Variants in BBX observed in about 807,000 individuals in gnomAD.
BBX encodes the protein BBX high mobility group box domain containing, also known as HMG box transcription factor BBX.
Under a neutral mutation model 100.2 loss-of-function variants are expected in BBX, and 30 were observed. The observed-to-expected ratio is 0.30, with a 90% CI of 0.22 to 0.41. BBX has a LOEUF of 0.41. Among genes scored for constraint, BBX ranks in the 10% least tolerant of loss-of-function variants. BBX has a pLI of 1.00. For missense variants in BBX, 1,023 were observed against 1,129.8 expected (o/e 0.91, Z 1.35); for synonymous variants, 376 against 388.1 (o/e 0.97, Z 0.37).
intron 5 of BBX, among the ~76,000 whole-genome samples, chr3:107,725,912 T>C (rs1048721641): frequency 1.3e-5 from 2 of 152,030 alleles, no homozygotes; most frequent in Non-Finnish European, 2.9e-5. Context: ...AACAAAAATG[T>C]TGTTATCTGA....
chr3:107,602,478 C>T (rs557763630), intron 2 of BBX, among the ~76,000 whole-genome samples: 1 of 152,168 alleles, frequency 6.6e-6, no homozygotes, highest in African/African-American at 2.4e-5. Flanking sequence ...ACTTGGGAGG[C>T]CAAGGCAGGA....
In BBX at chr3:107,769,215, TAGATAGATAGATAGAC is replaced by T. The variant is rs1379814861; in HGVS notation, c.907-3402_907-3387del. On this transcript the variant is annotated intron_variant, in intron 10 of 17. Transcript: ENST00000325805. ...ATAGATAGATAGATAGATAGATAGA[TAGATAGATAGATAGAC>T]AGATAGATAGGATAGATAGATAATC... Among the ~76,000 whole-genome samples, 349 of 134,964 alleles carry T rather than the reference TAGATAGATAGATAGAC, an allele frequency of 2.6e-3. 2 individuals are homozygous for T. Among genetic ancestry groups the T allele is most frequent in the South Asian group, 9.1e-3 (38 of 4,158 alleles). 88.5% of individuals were successfully genotyped at this position (134,964 alleles called of 152,430 possible).
At chr3:107,531,502 T>C (rs751160018) in intron 2 of BBX, among the ~76,000 whole-genome samples, 1 of 152,104 alleles carries the variant, frequency 6.6e-6, no homozygotes, top group Non-Finnish European at 1.5e-5. Context: ...GCTCAATATA[T>C]AGTCTCTGTT....
intron 10 of BBX, among the ~76,000 whole-genome samples, chr3:107,761,946 C>T (rs547908809): frequency 6.6e-6 from 1 of 152,190 alleles, no homozygotes; most frequent in East Asian, 1.9e-4. Context: ...CTATGGTAAC[C>T]CCCTTAAAGC....
chr3:107,681,325 G>A (rs1303401768), intron 3 of BBX, among the ~76,000 whole-genome samples: 4 of 152,114 alleles, frequency 2.6e-5, no homozygotes, highest in African/African-American at 7.2e-5. Flanking sequence ...GTTATGAAAC[G>A]TCTTTTTTAA....
intron 2 of BBX, among the ~76,000 whole-genome samples, chr3:107,606,122 G>A (rs181816480): frequency 1.3e-5 from 2 of 152,230 alleles, no homozygotes; most frequent in East Asian, 3.9e-4. Context: ...AAAAAAAGAG[G>A]AGTTTCCAAA....
At chr3:107,798,028 T>C (rs760747158) in intron 15 of BBX, among the ~76,000 whole-genome samples, 10 of 152,234 alleles carry the variant, frequency 6.6e-5, no homozygotes, top group Non-Finnish European at 1.5e-4. Flanking sequence ...CAGGCCTCAA[T>C]TTCTTTTCTG....
intron 3 of BBX, chr3:107,674,794 CTG>C (rs1054965606): frequency 2.0e-4 from 31 of 152,732 alleles, no homozygotes; most frequent in African/African-American, 7.2e-4. Flanking sequence ...CCTCAGACTT[CTG>C]TTAAAGCCTT....
chr3:107,560,743 A>G (rs1187502461), intron 2 of BBX, among the ~76,000 whole-genome samples: 1 of 152,220 alleles, frequency 6.6e-6, no homozygotes, highest in Admixed American at 6.5e-5. Flanking sequence ...TTGTGTTTCC[A>G]GCTTAAGCTA....
rs574004779 is a variant in BBX, at chr3:107,698,102, T to A, written c.-9-12350T>A. Among the ~76,000 whole-genome samples, 5 of 151,774 alleles carry A rather than the reference T, an allele frequency of 3.3e-5. No homozygotes were observed. The South Asian group carries it at 1.0e-3, about 32-fold the overall frequency. On this transcript the variant is annotated intron_variant, in intron 3 of 17. Coordinates refer to ENST00000325805, the MANE Select transcript of BBX (RefSeq NM_001142568.3). Reference sequence around the variant, plus strand: ...CTGACCTGCGCCCACTGAATGGCACTCCCTAGTGAGATGAACCCGGTACCT... The same window carrying A: ...CTGACCTGCGCCCACTGAATGGCACACCCTAGTGAGATGAACCCGGTACCT...
intron 9 of BBX, among the ~76,000 whole-genome samples, chr3:107,749,678 G>A (rs1471552190): frequency 1.3e-5 from 2 of 149,410 alleles, no homozygotes; most frequent in Non-Finnish European, 3.0e-5. Context: ...TCATTACCTA[G>A]GCTGGAGTGC....
At chr3:107,542,638 T>C (rs574612715) in intron 2 of BBX, among the ~76,000 whole-genome samples, 1 of 152,342 alleles carries the variant, frequency 6.6e-6, no homozygotes. Flanking sequence ...TTTTATACCA[T>C]GCAACAACCT....
chr3:107,773,971 G>A lies in BBX; in HGVS notation c.1915+335G>A, dbSNP rs562847167. The stretch of plus-strand genomic sequence containing the variant: ...AGCTTTAGGTTTGGTTTTGAAAACT[G>A]GTGGAATTTCGAGAATCAAGCACGT... On this transcript the variant is annotated intron_variant, in intron 11 of 17. Coordinates refer to ENST00000325805, the MANE Select transcript of BBX (RefSeq NM_001142568.3). This position sits in a 1 kb window ranked among gnomAD's most constrained non-coding sequence, Gnocchi z 4.1. Among the ~76,000 whole-genome samples the A allele has an allele frequency of 2.0e-4, 30 of 152,228 alleles. No individual in the cohort carries two copies. The highest frequency in any genetic ancestry group is 1.7e-3 in the East Asian group (9 of 5,172).
intron 2 of BBX, among the ~76,000 whole-genome samples, chr3:107,585,836 G>T (rs539140573): frequency 6.6e-6 from 1 of 152,016 alleles, no homozygotes; most frequent in Non-Finnish European, 1.5e-5. Flanking sequence ...CACAGTAGGC[G>T]GATGTAAGAA....
At chr3:107,584,755 GA>G (rs1324224843) in intron 2 of BBX, among the ~76,000 whole-genome samples, 1 of 117,104 alleles carries the variant, frequency 8.5e-6, no homozygotes, top group Non-Finnish European at 1.6e-5. Context: ...GCAGTGGCAC[GA>G]TCTCAGCTCA....
chr3:107,721,441 C>T (rs1374763343), intron 5 of BBX, among the ~76,000 whole-genome samples: 1 of 151,846 alleles, frequency 6.6e-6, no homozygotes, highest in African/African-American at 2.4e-5. Flanking sequence ...TCCGTCAGCC[C>T]CTTTTGGCTA....
At chr3:107,798,229 C>T (rs997877381) in intron 15 of BBX, among the ~76,000 whole-genome samples, 1 of 152,206 alleles carries the variant, frequency 6.6e-6, no homozygotes, top group Non-Finnish European at 1.5e-5. Flanking sequence ...ACATAATTTA[C>T]TCAGATTTAC....
intron 3 of BBX, among the ~76,000 whole-genome samples, chr3:107,650,980 C>T (rs189930154): frequency 6.6e-6 from 1 of 152,260 alleles, no homozygotes; most frequent in Non-Finnish European, 1.5e-5. Context: ...ATGGCCTTTC[C>T]TCTGTGTAGG....
intron 2 of BBX, among the ~76,000 whole-genome samples, chr3:107,607,811 AT>A (rs2054564012): frequency 6.6e-6 from 1 of 151,984 alleles, no homozygotes; most frequent in Non-Finnish European, 1.5e-5. Context: ...ATAATGAGTG[AT>A]ATTGTGTACC....
Sources: allele counts gnomAD v4.1 joint callset (sites outside exome capture counted in the v4.1 genomes callset), GRCh38; gene constraint gnomAD v4.1.1; non-coding constraint Gnocchi (gnomAD v3.1); transcripts MANE v1.5; gene names NCBI Gene and HGNC (gene_info 2026-07-23, HGNC 2026-07-21).